PTPRD: variants seen among roughly 807,000 people sequenced by gnomAD.
PTPRD encodes protein tyrosine phosphatase receptor type D, also known as receptor-type tyrosine-protein phosphatase delta.
PTPRD carries 34 observed loss-of-function variants against 214.5 expected under a neutral mutation model. The ratio of observed to expected loss-of-function variants is 0.16; its 90% CI spans 0.12 to 0.21. The LOEUF is 0.21. Ranked by LOEUF, PTPRD falls within the 10% of genes least tolerant of loss-of-function variation. The pLI, the probability that PTPRD is intolerant of heterozygous loss-of-function variation, is 1.00. For synonymous variants in PTPRD, 1,128 were observed against 845.7 expected (o/e 1.33, Z -5.79); for missense variants, 2,545 against 2,398.7 (o/e 1.06, Z -1.27).
At chr9:8,692,557 C>G (rs1464447731) in intron 12 of PTPRD, among the ~76,000 whole-genome samples, 1 of 152,162 alleles carries the variant, frequency 6.6e-6, no homozygotes, top group African/African-American at 2.4e-5. Flanking sequence ...TTAGTGAACA[C>G]TAGCAATCTC....
intron 8 of PTPRD, among the ~76,000 whole-genome samples, chr9:9,481,132 A>G (rs1338515430): frequency 6.6e-6 from 1 of 152,156 alleles, no homozygotes; most frequent in Non-Finnish European, 1.5e-5. Context: ...ATGACAGTTA[A>G]GTGGTAAAGG....
chr9:10,308,871 G>T (rs944592542), intron 3 of PTPRD, among the ~76,000 whole-genome samples: 1 of 151,870 alleles, frequency 6.6e-6, no homozygotes, highest in Non-Finnish European at 1.5e-5. Context: ...TCTGTCACTG[G>T]GCGGTTAGAC....
At chr9:8,779,808 T>C (rs1251697550) in intron 11 of PTPRD, among the ~76,000 whole-genome samples, 1 of 147,826 alleles carries the variant, frequency 6.8e-6, no homozygotes, top group Admixed American at 6.9e-5. Context: ...TGTCGATGTT[T>C]TGTTGGTTTT....
In PTPRD at chr9:8,577,818, C is replaced by T. The variant is rs567113082; in HGVS notation, c.353-49039G>A. 2.6e-5 allele frequency among the ~76,000 whole-genome samples: 4 copies of T among 152,220 alleles called. No individual in the cohort carries two copies. In the East Asian group the frequency reaches 7.7e-4, roughly 29 times the overall value. Reference sequence around the variant, plus strand: ...AAAATCTCGGGCCCTACTCAAGACCCGCTGAATCAGAAACTCTAGGGATGT... The same window carrying T: ...AAAATCTCGGGCCCTACTCAAGACCTGCTGAATCAGAAACTCTAGGGATGT... On this transcript the variant is annotated intron_variant, in intron 14 of 45. Transcript: ENST00000381196.
intron 7 of PTPRD, among the ~76,000 whole-genome samples, chr9:9,713,506 G>T (rs1048102750): frequency 1.3e-5 from 2 of 152,240 alleles, no homozygotes; most frequent in Non-Finnish European, 2.9e-5. Flanking sequence ...TATAACAACA[G>T]ATTATGCCAA....
chr9:8,594,029 G>C (rs1451847562), intron 14 of PTPRD, among the ~76,000 whole-genome samples: 2 of 152,116 alleles, frequency 1.3e-5, no homozygotes, highest in African/African-American at 4.8e-5. Flanking sequence ...GACTTCTCTA[G>C]ATCCCAAGTT....
chr9:8,651,364 A>G (rs2154344749), intron 12 of PTPRD, among the ~76,000 whole-genome samples: 1 of 152,306 alleles, frequency 6.6e-6, no homozygotes, highest in African/African-American at 2.4e-5. Context: ...AGCAGTGATA[A>G]TAATAGATGA....
chr9:9,779,099 A>AAAAAAAAAAAAAAAAAAAAAAG (rs1565195907), intron 5 of PTPRD, among the ~76,000 whole-genome samples: 2 of 148,744 alleles, frequency 1.3e-5, no homozygotes, highest in African/African-American at 4.9e-5. Flanking sequence ...AAAAAAAAAA[A>AAAAAAAAAAAAAAAAAAAAAAG]AAAAAGCAAT....
At chr9:9,834,895 C>T (rs1363540887) in intron 5 of PTPRD, among the ~76,000 whole-genome samples, 1 of 151,560 alleles carries the variant, frequency 6.6e-6, no homozygotes, top group East Asian at 1.9e-4. Flanking sequence ...ACTGTGTCCT[C>T]TGGTCAAAGT....
At chr9:9,243,920 C>G (rs2099971637) in intron 9 of PTPRD, among the ~76,000 whole-genome samples, 1 of 152,176 alleles carries the variant, frequency 6.6e-6, no homozygotes, top group East Asian at 1.9e-4. Context: ...TCTCCTTAAG[C>G]TGACAAGCAA....
intron 11 of PTPRD, among the ~76,000 whole-genome samples, chr9:8,827,753 GATTT>G (rs1450425059): frequency 6.6e-6 from 1 of 152,018 alleles, no homozygotes; most frequent in Admixed American, 6.6e-5. Context: ...ATCACTCAAA[GATTT>G]ATTATTGTTT....
At chr9:9,811,770 T>C (rs369347037) in intron 5 of PTPRD, among the ~76,000 whole-genome samples, 1 of 152,184 alleles carries the variant, frequency 6.6e-6, no homozygotes, top group African/African-American at 2.4e-5. Context: ...GCTGTGGATA[T>C]TGTTGAAATG....
At chr9:8,718,298 C>G (rs574155546) in intron 12 of PTPRD, among the ~76,000 whole-genome samples, 1 of 152,254 alleles carries the variant, frequency 6.6e-6, no homozygotes, top group Admixed American at 6.5e-5. Context: ...ATTTGTTAAA[C>G]TACAAGCTCT....
intron 7 of PTPRD, among the ~76,000 whole-genome samples, chr9:9,635,657 A>C (rs1168515154): frequency 1.3e-5 from 2 of 152,130 alleles, no homozygotes; most frequent in Admixed American, 6.5e-5. Flanking sequence ...ATACTCTGTT[A>C]CTTCTTATTG....
intron 2 of PTPRD, among the ~76,000 whole-genome samples, chr9:10,394,549 A>T (rs1276586449): frequency 4.6e-5 from 7 of 151,908 alleles, no homozygotes; most frequent in Non-Finnish European, 1.0e-4. Flanking sequence ...AAGAGAATGC[A>T]CACCATGAAA....
At chr9:8,963,124 G>A (rs1210806423) in intron 11 of PTPRD, 1 of 151,980 alleles carries the variant, frequency 6.6e-6, no homozygotes, top group African/African-American at 2.4e-5. Context: ...TTGAAAGATA[G>A]AAGCTAGACA....
At chr9:8,866,555 TTATAAC>T (rs2098199640) in intron 11 of PTPRD, among the ~76,000 whole-genome samples, 1 of 152,124 alleles carries the variant, frequency 6.6e-6, no homozygotes, top group Admixed American at 6.6e-5. Flanking sequence ...AGTACGTACT[TTATAAC>T]TAAGTGCAAA....
chr9:9,890,325 T>C (rs2072805959), intron 5 of PTPRD, among the ~76,000 whole-genome samples: 3 of 151,700 alleles, frequency 2.0e-5, no homozygotes, highest in Admixed American at 2.0e-4. Context: ...GCCTCCCCAA[T>C]ACCTGTAACT....
intron 11 of PTPRD, among the ~76,000 whole-genome samples, chr9:8,977,479 A>G (rs759270714): frequency 3.3e-5 from 5 of 152,070 alleles, no homozygotes; most frequent in Non-Finnish European, 7.4e-5. Context: ...GCTGTTTCCC[A>G]TAAGGGCTCT....
Sources: allele counts gnomAD v4.1 joint callset (sites outside exome capture counted in the v4.1 genomes callset), GRCh38; gene constraint gnomAD v4.1.1; transcripts MANE v1.5; gene names NCBI Gene and HGNC (gene_info 2026-07-23, HGNC 2026-07-21).